Variants in MARK3 observed in about 807,000 individuals in gnomAD.
MARK3 encodes the protein MAP/microtubule affinity-regulating kinase 3.
A neutral mutation model predicts 90.1 loss-of-function variants in MARK3; 46 were observed. The observed-to-expected ratio is 0.51, with a 90% confidence interval of 0.40 to 0.65. The LOEUF (loss-of-function observed/expected upper bound fraction) is 0.65. Ranked by LOEUF, MARK3 falls within the 30% of genes least tolerant of loss-of-function variation. The pLI is 0.00. For missense variants in MARK3, 818 were observed against 947.2 expected (o/e 0.86, Z 1.79); for synonymous variants, 321 against 332.6 (o/e 0.97, Z 0.38).
chr14:103,397,150 T>A (rs766310538), intron 1 of MARK3, among the ~76,000 whole-genome samples: 1 of 152,068 alleles, frequency 6.6e-6, no homozygotes, highest in African/African-American at 2.4e-5. Context: ...CATTAGAGTA[T>A]TCACTCTGAT....
chr14:103,421,828 G>T (rs2092234006), intron 2 of MARK3, among the ~76,000 whole-genome samples: 1 of 152,156 alleles, frequency 6.6e-6, no homozygotes. Context: ...GCAGGACAGA[G>T]AAATGCATGT....
Position 103,491,216 on chromosome 14 carries a change from C to T in MARK3, c.1587-561C>T, listed in dbSNP as rs535660609. On this transcript the variant is annotated intron_variant, in intron 14 of 17. Transcript: ENST00000429436. The stretch of plus-strand genomic sequence containing the variant: ...TTTGTTACAGTTGTCCACAAGGCGT[C>T]CTTCCTCCATGTGATTTTAGTTAAG... 939 of 799,874 alleles carry T rather than the reference C, an allele frequency of 1.2e-3. 12 individuals carry two copies. The highest frequency in any genetic ancestry group is 0.01 in the South Asian group (480 of 46,818). 49.5% of individuals were successfully genotyped at this position (799,874 alleles called of 1,614,324 possible). A position where few individuals can be genotyped will look rare whatever the true frequency, so the allele number is the denominator to read the frequency against.
rs149453164 is a variant in MARK3, at chr14:103,442,837, T to C, written c.298-6082T>C. On this transcript the variant is annotated intron_variant, in intron 3 of 17. Coordinates refer to ENST00000429436, the MANE Select transcript of MARK3 (RefSeq NM_001128918.3). The stretch of plus-strand genomic sequence containing the variant: ...TAATAGTTTAGAAAAGGGAACAAAA[T>C]AAATCTCAGGAATAAATAATAATGT... Among the ~76,000 whole-genome samples, 408 of 150,236 alleles carry C rather than the reference T, an allele frequency of 2.7e-3. 3 individuals carry two copies. The highest frequency in any genetic ancestry group is 9.7e-3 in the African/African-American group (392 of 40,462).
intron 1 of MARK3, among the ~76,000 whole-genome samples, chr14:103,392,510 C>T (rs2090322649): frequency 6.6e-6 from 1 of 152,040 alleles, no homozygotes; most frequent in Non-Finnish European, 1.5e-5. Flanking sequence ...ATCACTATAG[C>T]AGGAATTTCT....
At chr14:103,491,744 G>T (rs200529988) in intron 14 of MARK3, 33 bp from the exon 15 acceptor site, 2 of 1,606,112 alleles carry the variant, frequency 1.2e-6, no homozygotes, top group Non-Finnish European at 1.7e-6. Context: ...TGTATATCAT[G>T]TTCTGAGAGC....
intron 7 of MARK3, among the ~76,000 whole-genome samples, chr14:103,464,140 A>G (rs1422592911): frequency 6.6e-6 from 1 of 152,136 alleles, no homozygotes; most frequent in African/African-American, 2.4e-5. Context: ...ACAGCTGCTT[A>G]TCATTCTCCT....
At chr14:103,455,294 A>T (rs917680562) in intron 5 of MARK3, among the ~76,000 whole-genome samples, 1 of 152,218 alleles carries the variant, frequency 6.6e-6, no homozygotes, top group African/African-American at 2.4e-5. Flanking sequence ...ACTTGTTTTG[A>T]CATTGTGTGC....
At chr14:103,413,182 A>G (rs1442739762) in intron 2 of MARK3, among the ~76,000 whole-genome samples, 1 of 152,072 alleles carries the variant, frequency 6.6e-6, no homozygotes, top group Non-Finnish European at 1.5e-5. Flanking sequence ...CTAATGCCAA[A>G]TGTTTCTATT....
intron 1 of MARK3, among the ~76,000 whole-genome samples, chr14:103,387,801 T>C (rs1170469682): frequency 1.3e-5 from 2 of 152,178 alleles, no homozygotes; most frequent in Non-Finnish European, 2.9e-5. Flanking sequence ...CTGATTAGTT[T>C]TGATCATTGA....
At chr14:103,410,440 C>T (rs1443817327) in intron 2 of MARK3, among the ~76,000 whole-genome samples, 1 of 151,790 alleles carries the variant, frequency 6.6e-6, no homozygotes, top group Non-Finnish European at 1.5e-5. Context: ...CACGTATGGA[C>T]AAAAAAAGGG....
At chr14:103,463,663 T>C (rs1440001302) in intron 7 of MARK3, among the ~76,000 whole-genome samples, 2 of 152,206 alleles carry the variant, frequency 1.3e-5, no homozygotes, top group African/African-American at 4.8e-5. Flanking sequence ...CATTATCTCA[T>C]AGGTGATTCC....
At chr14:103,486,871 AT>A (rs1293576788) in intron 14 of MARK3, among the ~76,000 whole-genome samples, 1 of 152,048 alleles carries the variant, frequency 6.6e-6, no homozygotes, top group Non-Finnish European at 1.5e-5. Context: ...TAAAAAGTTT[AT>A]TTAATTGCCT....
At chr14:103,484,417 C>T (rs2093885460) in intron 14 of MARK3, among the ~76,000 whole-genome samples, 1 of 152,154 alleles carries the variant, frequency 6.6e-6, no homozygotes, top group Admixed American at 6.5e-5. Context: ...AAGTGATCCA[C>T]CTGCCTTGGC....
chr14:103,420,459 G>A (rs1393405292), intron 2 of MARK3, among the ~76,000 whole-genome samples: 1 of 152,134 alleles, frequency 6.6e-6, no homozygotes, highest in African/African-American at 2.4e-5. Flanking sequence ...TCGAACTCCT[G>A]GGCTAAAGTG....
chr14:103,439,387 TG>T (rs112126135), intron 3 of MARK3, among the ~76,000 whole-genome samples: 21 of 152,038 alleles, frequency 1.4e-4, no homozygotes, highest in Non-Finnish European at 2.1e-4. Flanking sequence ...AGGTTTTTTT[TG>T]GTCTGTTTTT....
chr14:103,406,216 G>GT (rs993490526), intron 2 of MARK3, among the ~76,000 whole-genome samples: 1 of 147,618 alleles, frequency 6.8e-6, no homozygotes, highest in African/African-American at 2.5e-5. Flanking sequence ...TTTCTTTTTT[G>GT]GGGGGTTAGG....
At chr14:103,458,739 G>A (rs1318618830) in intron 6 of MARK3, 4 of 725,204 alleles carry the variant, frequency 5.5e-6, no homozygotes, top group Non-Finnish European at 7.6e-6. Context: ...TTGTCAAGCT[G>A]GACAGACTAT....
intron 4 of MARK3, among the ~76,000 whole-genome samples, chr14:103,451,602 A>G (rs2093148364): frequency 6.6e-6 from 1 of 152,210 alleles, no homozygotes; most frequent in Non-Finnish European, 1.5e-5. Context: ...GAGGGCAGCT[A>G]GCCAACACAG....
intron 11 of MARK3, chr14:103,467,554 A>G (rs1446150260): frequency 1.8e-5 from 3 of 164,688 alleles, no homozygotes; most frequent in African/African-American, 7.2e-5. Flanking sequence ...GCTTGCCTGT[A>G]ATCCCTGCTC....
Sources: allele counts gnomAD v4.1 joint callset (sites outside exome capture counted in the v4.1 genomes callset), GRCh38; gene constraint gnomAD v4.1.1; transcripts MANE v1.5; gene names NCBI Gene and HGNC (gene_info 2026-07-23, HGNC 2026-07-21).